The following XPO1 variants were observed in gnomAD, a reference collection of about 807,000 sequenced individuals.
The protein encoded by XPO1 is exportin-1.
A neutral mutation model predicts 133.3 loss-of-function variants in XPO1; 5 were observed. The observed-to-expected ratio is 0.04, with a 90% CI of 0.02 to 0.08. The LOEUF (loss-of-function observed/expected upper bound fraction) is 0.08, where lower values mean the gene tolerates loss of function less well. XPO1 is among the 10% of genes least tolerant of loss of function. The probability of loss-of-function intolerance (pLI) is 1.00; values close to 1 mark genes in which losing one functional copy is unlikely to be tolerated. For missense variants in XPO1, 506 were observed against 1,267.5 expected (o/e 0.40, Z 9.12); for synonymous variants, 419 against 408.2 (o/e 1.03, Z -0.32).
chr2:61,494,290 T>C, intron 11 of XPO1, 199 bp from the exon 12 acceptor site: 1 of 506,020 alleles, frequency 2.0e-6, no homozygotes. Flanking sequence ...TTCAAAAATC[T>C]CTCACATAGT....
At position 61,524,358 on chromosome 2, in the gene XPO1, T is replaced by G. The variant is rs74400810; in HGVS notation, c.229-1675A>C. Among the ~76,000 whole-genome samples, 70 of 152,344 alleles carry G rather than the reference T, an allele frequency of 4.6e-4. 1 individual carries two copies. In the East Asian group the frequency reaches 0.013, roughly 28 times the overall value. On this transcript the variant is annotated intron_variant, in intron 3 of 24. Transcript: ENST00000401558. ...AAAGACACTGTCCTTTCTTTTTTAT[T>G]TACTTCTTCCTATTTGATACTGTTA...
chr2:61,498,975 C>G (rs967057307), intron 7 of XPO1, 62 bp from the exon 8 acceptor site: 5 of 1,479,154 alleles, frequency 3.4e-6, no homozygotes, highest in South Asian at 2.6e-5. Context: ...TATCAGTTAT[C>G]TATAATACTA....
intron 4 of XPO1, among the ~76,000 whole-genome samples, chr2:61,517,340 T>C (rs1027602958): frequency 3.3e-5 from 5 of 152,160 alleles, no homozygotes; most frequent in Admixed American, 1.3e-4. Context: ...CCCCAGCACT[T>C]TGGGATGCTG....
chr2:61,521,749 T>TG (rs1698699653), intron 4 of XPO1, among the ~76,000 whole-genome samples: 1 of 152,048 alleles, frequency 6.6e-6, no homozygotes, highest in African/African-American at 2.4e-5. Context: ...ATATGGTTTT[T>TG]TTTGTTGTTG....
chr2:61,526,033 G>C (rs1698893620), intron 3 of XPO1: 1 of 1,070,728 alleles, frequency 9.3e-7, no homozygotes, highest in Admixed American at 5.3e-5. Context: ...AGGGTTTTAA[G>C]CTGTCCACAC....
intron 2 of XPO1, among the ~76,000 whole-genome samples, chr2:61,530,232 T>A (rs762420175): frequency 1.3e-5 from 2 of 152,206 alleles, no homozygotes; most frequent in Non-Finnish European, 2.9e-5. Context: ...TCCCACACTA[T>A]CACCACTCAC....
At chr2:61,530,481 C>A (rs1484887642) in intron 2 of XPO1, among the ~76,000 whole-genome samples, 1 of 152,106 alleles carries the variant, frequency 6.6e-6, no homozygotes, top group East Asian at 1.9e-4. Context: ...AGTTGCTAAG[C>A]AATAGAGTTC....
At chr2:61,491,537 G>A (rs1447765899) in intron 16 of XPO1, among the ~76,000 whole-genome samples, 3 of 151,346 alleles carry the variant, frequency 2.0e-5, no homozygotes, top group African/African-American at 7.3e-5. Flanking sequence ...GATTTTGTTT[G>A]TTCGGAATAA....
rs753629802 is a variant in XPO1 at position 61,482,438 on chromosome 2, T to G, written c.2914A>C (p.Ile972Leu). Residue 972 changes from isoleucine to leucine, a missense_variant, in exon 23 of 25, where the codon ATC becomes CTC. Ile to Leu is a conservative substitution (Grantham distance 5). Transcript: ENST00000401558. Reference sequence around the variant, plus strand: ...TTAGCCACATATTCCTGAAGAAAGATTTGGTTGTTAACTGGATTTCCAGGA... The same window carrying G: ...TTAGCCACATATTCCTGAAGAAAGAGTTGGTTGTTAACTGGATTTCCAGGA... ...LNPGNPVNNQ[I>L]FLQEYVANLL... 4 of 1,613,386 alleles carry G rather than the reference T, an allele frequency of 2.5e-6. No individual in the cohort carries two copies. Among genetic ancestry groups the G allele is most frequent in the Middle Eastern group, 1.6e-4 (1 of 6,080 alleles).
At chr2:61,518,451 CACACACACACACAA>C (rs1325240422) in intron 4 of XPO1, among the ~76,000 whole-genome samples, 3 of 100,086 alleles carry the variant, frequency 3.0e-5, no homozygotes, top group African/African-American at 1.0e-4. Flanking sequence ...CACACACACA[CACACACACACACAA>C]AGTTAGCCGG....
chr2:61,526,329 ACAAATG>A (rs1392691443), intron 3 of XPO1, 85 bp downstream of exon 3: 9 of 1,477,846 alleles, frequency 6.1e-6, no homozygotes, highest in Non-Finnish European at 8.0e-6. Context: ...ATTTGAGATA[ACAAATG>A]CTAATACTAA....
chr2:61,526,938 C>CCT (rs1698930698), intron 2 of XPO1, among the ~76,000 whole-genome samples: 1 of 152,064 alleles, frequency 6.6e-6, no homozygotes, highest in African/African-American at 2.4e-5. Flanking sequence ...GAACTCCTGA[C>CCT]CTCAGGTGAT....
intron 4 of XPO1, among the ~76,000 whole-genome samples, chr2:61,519,216 T>C (rs978016979): frequency 3.9e-5 from 6 of 152,208 alleles, no homozygotes; most frequent in Non-Finnish European, 5.9e-5. Flanking sequence ...CCCAAAGTGC[T>C]GGGATTACAG....
intron 4 of XPO1, among the ~76,000 whole-genome samples, chr2:61,517,594 T>C (rs1698455805): frequency 6.6e-6 from 1 of 151,798 alleles, no homozygotes; most frequent in Non-Finnish European, 1.5e-5. Flanking sequence ...TCAAAACAAA[T>C]GAATAAATAA....
chr2:61,518,410 AAAACAAAACACACACAC>A (rs1200168513), intron 4 of XPO1, among the ~76,000 whole-genome samples: 14 of 144,856 alleles, frequency 9.7e-5, no homozygotes, highest in African/African-American at 1.8e-4. Context: ...CAAAAAACAA[AAAACAAAACACACACAC>A]ACACACACAC....
intron 3 of XPO1, among the ~76,000 whole-genome samples, chr2:61,524,041 G>C (rs1305040757): frequency 6.6e-6 from 1 of 152,038 alleles, no homozygotes; most frequent in African/African-American, 2.4e-5. Flanking sequence ...ATTATGTCTA[G>C]GTCTGAGAAA....
rs530258433 is a variant in XPO1, at chr2:61,479,606, G to C, written c.3070-640C>G. ...TATTCACACAAATTTTGTTCTCTTT[G>C]TGATAGAGTCTTGTTCTGTAGCCCC... On this transcript the variant is annotated intron_variant, in intron 24 of 24. Transcript: ENST00000401558. 7.9e-5 allele frequency among the ~76,000 whole-genome samples: 12 copies of C among 152,168 alleles called. 1 individual carries two copies. The highest frequency in any genetic ancestry group is 3.4e-3 in the Middle Eastern group (1 of 294).
intron 21 of XPO1, chr2:61,483,310 A>G (rs183645716): frequency 2.1e-6 from 1 of 482,922 alleles, no homozygotes; most frequent in African/African-American, 2.0e-5. Flanking sequence ...TGTGAGAGCT[A>G]AACTGTGAAG....
intron 4 of XPO1, among the ~76,000 whole-genome samples, chr2:61,510,536 C>T (rs1251195309): frequency 6.6e-6 from 1 of 152,146 alleles, no homozygotes. Context: ...TCTATATGCA[C>T]ATCCGCCATT....
Sources: gnomAD v4.1 joint callset for allele counts (sites outside exome capture counted in the v4.1 genomes callset) on GRCh38, gnomAD v4.1.1 for gene constraint, MANE v1.5 for transcripts, NCBI Gene and HGNC (gene_info 2026-07-23, HGNC 2026-07-21) for gene names.